The following PRKN variants were observed in gnomAD, a reference collection of about 807,000 sequenced individuals.
The protein encoded by PRKN is parkin RBR E3 ubiquitin protein ligase, also known as E3 ubiquitin-protein ligase parkin.
In PRKN, 56 loss-of-function variants were observed where a neutral mutation model predicts 59.5. The observed-to-expected ratio is 0.94, with a 90% CI of 0.76 to 1.18. The LOEUF is 1.18. Ranked by LOEUF, PRKN falls within the 50% of genes most tolerant of loss-of-function variation. PRKN has a pLI of 0.00. For missense variants in PRKN, 657 were observed against 596.4 expected (o/e 1.10, Z -1.06); for synonymous variants, 250 against 222.1 (o/e 1.13, Z -1.12).
intron 5 of PRKN, among the ~76,000 whole-genome samples, chr6:162,012,298 G>T (rs1394626756): frequency 6.6e-6 from 1 of 151,774 alleles, no homozygotes; most frequent in Non-Finnish European, 1.5e-5. Context: ...TTTTTTTCAC[G>T]TTTAGTTTAT....
intron 5 of PRKN, among the ~76,000 whole-genome samples, chr6:162,050,107 G>A (rs1777571593): frequency 6.6e-6 from 1 of 152,124 alleles, no homozygotes; most frequent in African/African-American, 2.4e-5. Flanking sequence ...TTCCTGGGAT[G>A]CTGAACATAT....
In PRKN at chr6:161,359,770, A is replaced by G. The variant is rs1297510556; in HGVS notation, c.1285+318T>C. The stretch of plus-strand genomic sequence containing the variant: ...GGGAAGGTCACCAGGGAGGACAGAA[A>G]AACCACAGCTGCCTCCTGACTGCCA... On this transcript the variant is annotated intron_variant, in intron 11 of 11. Coordinates refer to ENST00000366898, the MANE Select transcript of PRKN (RefSeq NM_004562.3). The surrounding 1 kb of genome is among the most constrained non-coding windows in gnomAD (Gnocchi z 5.4). 6.6e-6 allele frequency among the ~76,000 whole-genome samples: 1 copy of G among 152,146 alleles called. No homozygotes were observed. The highest frequency in any genetic ancestry group is 2.4e-5 in the African/African-American group (1 of 41,434).
At chr6:162,682,211 C>T (rs930575740) in intron 1 of PRKN, among the ~76,000 whole-genome samples, 10 of 151,850 alleles carry the variant, frequency 6.6e-5, no homozygotes, top group African/African-American at 2.4e-4. Flanking sequence ...GAAAACATCC[C>T]AGCTATGCAA....
At position 161,578,540 on chromosome 6, in the gene PRKN, C is replaced by G. The variant is rs1781220340; in HGVS notation, c.872-9124G>C. Among the ~76,000 whole-genome samples, 1 of 152,194 alleles carries G rather than the reference C, an allele frequency of 6.6e-6. No homozygotes were observed. The highest frequency in any genetic ancestry group is 1.5e-5 in the Non-Finnish European group (1 of 68,038). On this transcript the variant is annotated intron_variant, in intron 7 of 11. Transcript: ENST00000366898. The surrounding 1 kb of genome is among the most constrained non-coding windows in gnomAD (Gnocchi z 4.2). ...CACTGTGTCCACTGACCCCAAACTA[C>G]TATGTCATTGATCTGCTCAACTCCA...
At chr6:161,777,793 GATATATGTATATATGTATATATGTGT>G (rs1790006153) in intron 7 of PRKN, among the ~76,000 whole-genome samples, 1 of 136,294 alleles carries the variant, frequency 7.3e-6, no homozygotes, top group African/African-American at 2.8e-5. Flanking sequence ...ATGTATATAT[GATATATGTATATATGTATATATGTGT>G]ATATATGTAT....
intron 7 of PRKN, among the ~76,000 whole-genome samples, chr6:161,618,090 A>G (rs887071849): frequency 3.3e-5 from 5 of 152,226 alleles, no homozygotes; most frequent in African/African-American, 9.6e-5. Context: ...CTCTGTGTTC[A>G]TGACAATTTG....
At chr6:161,919,843 G>T (rs1158287817) in intron 6 of PRKN, among the ~76,000 whole-genome samples, 1 of 152,190 alleles carries the variant, frequency 6.6e-6, no homozygotes, top group Non-Finnish European at 1.5e-5. Context: ...AGGGACACAG[G>T]TAAAGTTGAA....
At chr6:161,816,685 G>A (rs546500507) in intron 6 of PRKN, among the ~76,000 whole-genome samples, 6 of 151,036 alleles carry the variant, frequency 4.0e-5, no homozygotes, top group South Asian at 2.1e-4. Context: ...CCGAGATCAC[G>A]CCACTGCACT....
At chr6:161,818,403 C>G (rs1005187286) in intron 6 of PRKN, among the ~76,000 whole-genome samples, 6 of 151,650 alleles carry the variant, frequency 4.0e-5, no homozygotes, top group Non-Finnish European at 8.8e-5. Flanking sequence ...GGTGCGATCA[C>G]AGCTCACTGC....
At chr6:161,605,555 A>G (rs1413465438) in intron 7 of PRKN, among the ~76,000 whole-genome samples, 1 of 147,656 alleles carries the variant, frequency 6.8e-6, no homozygotes, top group Non-Finnish European at 1.5e-5. Context: ...TCTGTCACCC[A>G]GGATGGAGTG....
rs1269933101 is a variant in PRKN at position 161,359,405 on chromosome 6, G to A, written c.1285+683C>T. On this transcript the variant is annotated intron_variant, in intron 11 of 11. Coordinates refer to ENST00000366898, the MANE Select transcript of PRKN (RefSeq NM_004562.3). The surrounding 1 kb of genome is among the most constrained non-coding windows in gnomAD (Gnocchi z 5.4). Reference sequence around the variant, plus strand: ...CTCTGGGCAACCTGCCAGCCAGGGCGTAGCTGATGCTCATTAAGGAGAAGC... The same window carrying A: ...CTCTGGGCAACCTGCCAGCCAGGGCATAGCTGATGCTCATTAAGGAGAAGC... Among the ~76,000 whole-genome samples the A allele has an allele frequency of 2.0e-5, 3 of 152,250 alleles. No homozygotes were observed. The highest frequency in any genetic ancestry group is 4.8e-5 in the African/African-American group (2 of 41,470).
chr6:161,767,535 A>G (rs904243295), intron 7 of PRKN, among the ~76,000 whole-genome samples: 30 of 151,828 alleles, frequency 2.0e-4, no homozygotes, highest in Non-Finnish European at 3.4e-4. Flanking sequence ...AAAAACAAAA[A>G]CCAATCAGCA....
rs1779907063 is a variant in PRKN, at chr6:161,549,141, T to C, written c.934-138A>G. ...GCATGTGTGTGTGTGTGTGTGTGTG[T>C]AGGGGGAGGGAGAGGGCCACGGGGT... On this transcript the variant is annotated intron_variant, in intron 8 of 11. Transcript: ENST00000366898. The surrounding 1 kb of genome is among the most constrained non-coding windows in gnomAD (Gnocchi z 6.0). The C allele has an allele frequency of 2.6e-6, 2 of 781,282 alleles. No homozygotes were observed. The highest frequency in any genetic ancestry group is 1.9e-5 in the South Asian group (1 of 53,224). The allele number at this position is 781,282 out of a possible 1,614,324, so 48.4% of individuals were successfully genotyped here. A position where few individuals can be genotyped will look rare whatever the true frequency, so the allele number is the denominator to read the frequency against.
rs147080517 is a variant in PRKN at position 161,739,261 on chromosome 6, C to A, written c.871+46511G>T. ...CATCTCTACCAAAAACATAAAAATT[C>A]ACCAGGTATGGTGGCGTATGCATGT... is the stretch of plus-strand genomic sequence containing the variant. On this transcript the variant is annotated intron_variant, in intron 7 of 11. Coordinates refer to ENST00000366898, the MANE Select transcript of PRKN (RefSeq NM_004562.3). Among the ~76,000 whole-genome samples, 3 of 152,098 alleles carry A rather than the reference C, an allele frequency of 2.0e-5. No individual in the cohort carries two copies. The East Asian group carries it at 5.8e-4, about 30-fold the overall frequency.
intron 6 of PRKN, among the ~76,000 whole-genome samples, chr6:161,856,430 G>GA (rs1166918607): frequency 6.6e-6 from 1 of 151,654 alleles, no homozygotes; most frequent in East Asian, 1.9e-4. Context: ...TCTGTAGGAT[G>GA]AAAAAAAGGC....
At chr6:161,881,627 A>G (rs758285609) in intron 6 of PRKN, among the ~76,000 whole-genome samples, 11 of 152,198 alleles carry the variant, frequency 7.2e-5, no homozygotes, top group Admixed American at 1.3e-4. Flanking sequence ...AATGGAAATG[A>G]TACTTAATCG....
intron 6 of PRKN, among the ~76,000 whole-genome samples, chr6:161,876,317 C>A (rs1313119095): frequency 6.6e-6 from 1 of 152,010 alleles, no homozygotes; most frequent in Admixed American, 6.5e-5. Flanking sequence ...CTCATCGTTA[C>A]TTTTCTGTTT....
chr6:161,982,086 T>C (rs994231868), intron 5 of PRKN, among the ~76,000 whole-genome samples: 3 of 152,216 alleles, frequency 2.0e-5, no homozygotes, highest in East Asian at 3.9e-4. Context: ...CTCTGCCTGA[T>C]TGTAAGTTCT....
intron 7 of PRKN, among the ~76,000 whole-genome samples, chr6:161,719,326 C>T (rs1787124669): frequency 6.6e-6 from 1 of 151,648 alleles, no homozygotes; most frequent in Admixed American, 6.6e-5. Flanking sequence ...AGAGGGCAAG[C>T]AAAGTTTCAG....
Sources: allele counts gnomAD v4.1 joint callset (sites outside exome capture counted in the v4.1 genomes callset), GRCh38; gene constraint gnomAD v4.1.1; non-coding constraint Gnocchi (gnomAD v3.1); transcripts MANE v1.5; gene names NCBI Gene and HGNC (gene_info 2026-07-23, HGNC 2026-07-21).